The following PACRG variants were observed in gnomAD, a reference collection of about 807,000 sequenced individuals.
The protein encoded by PACRG is parkin coregulated, also known as parkin coregulated gene protein.
Under a neutral mutation model 29.7 loss-of-function variants are expected in PACRG, and 29 were observed. The observed-to-expected ratio is 0.98, with a 90% CI of 0.73 to 1.33. The LOEUF (loss-of-function observed/expected upper bound fraction) is 1.33, where lower values mean the gene tolerates loss of function less well. Among genes scored for constraint, PACRG ranks in the 40% most tolerant of loss-of-function variants. The pLI is 0.00. For missense variants in PACRG, 279 were observed against 316.2 expected (o/e 0.88, Z 0.89); for synonymous variants, 116 against 118.7 (o/e 0.98, Z 0.15).
chr6:163,009,718 A>G (rs775165794), intron 2 of PACRG, among the ~76,000 whole-genome samples: 7 of 152,198 alleles, frequency 4.6e-5, no homozygotes, highest in Non-Finnish European at 8.8e-5. Context: ...TCTATCGGTG[A>G]TTAACCAGCT....
rs12202823 is a variant in PACRG, at chr6:162,742,574, A to T, written c.156+14183A>T. On this transcript the variant is annotated intron_variant, in intron 1 of 4. Transcript: ENST00000366888. ...ACATGCATAAATATTCTCCAGGTTCATCATAGTGTCATAAATGACAGGATT... is the reference window on the plus strand; with the variant it reads ...ACATGCATAAATATTCTCCAGGTTCTTCATAGTGTCATAAATGACAGGATT... Among the ~76,000 whole-genome samples the T allele has an allele frequency of 5.7e-3, 872 of 152,250 alleles. 6 individuals are homozygous for T. The highest frequency in any genetic ancestry group is 0.02 in the Middle Eastern group (6 of 294).
At chr6:163,309,329 T>C (rs1027189332) in intron 4 of PACRG, among the ~76,000 whole-genome samples, 2 of 152,240 alleles carry the variant, frequency 1.3e-5, no homozygotes, top group Admixed American at 6.5e-5. Context: ...TCATTCAGCC[T>C]TGGGTGCGTG....
At position 163,055,078 on chromosome 6, in the gene PACRG, C is replaced by A. The variant is rs954480566; in HGVS notation, c.292-7072C>A. On this transcript the variant is annotated intron_variant, in intron 2 of 4. Transcript: ENST00000366888. This position sits in a 1 kb window ranked among gnomAD's most constrained non-coding sequence, Gnocchi z 4.0. ...CTGGTGACCTTGATAAAAGCAACTT[C>A]AGTGAAATGGTGAGGGAGTGGGTTA... Among the ~76,000 whole-genome samples the A allele has an allele frequency of 6.6e-6, 1 of 152,044 alleles. No homozygotes were observed. The highest frequency in any genetic ancestry group is 2.4e-5 in the African/African-American group (1 of 41,398).
chr6:162,838,805 A>C, intron 2 of PACRG, among the ~76,000 whole-genome samples: 1 of 132,296 alleles, frequency 7.6e-6, no homozygotes, highest in South Asian at 2.4e-4. Flanking sequence ...ATGTGATCTC[A>C]TTGTTCAATT....
chr6:163,195,539 C>G (rs2128363945), intron 4 of PACRG, among the ~76,000 whole-genome samples: 1 of 152,280 alleles, frequency 6.6e-6, no homozygotes, highest in South Asian at 2.1e-4. Flanking sequence ...ACTCCCTTTT[C>G]CAGCGGCGAA....
rs368477007 is a variant in PACRG, at chr6:162,777,572, T to A, written c.157-36575T>A. On this transcript the variant is annotated intron_variant, in intron 1 of 4. Coordinates refer to ENST00000366888, the MANE Select transcript of PACRG (RefSeq NM_001080379.2). The surrounding 1 kb of genome is among the most constrained non-coding windows in gnomAD (Gnocchi z 4.0). The stretch of plus-strand genomic sequence containing the variant: ...TTGTTATTATTAATTATTAGTTTTT[T>A]AATCACAGCCTCCTATCCTCAAGTT... Among the ~76,000 whole-genome samples the A allele has an allele frequency of 1.2e-4, 18 of 152,306 alleles. No individual in the cohort carries two copies. The highest frequency in any genetic ancestry group is 4.1e-4 in the African/African-American group (17 of 41,570).
chr6:163,131,374 T>C (rs1469267370), intron 4 of PACRG, among the ~76,000 whole-genome samples: 3 of 149,410 alleles, frequency 2.0e-5, no homozygotes, highest in African/African-American at 7.4e-5. Flanking sequence ...AGAGGGAAGA[T>C]GACATGAAGA....
intron 2 of PACRG, among the ~76,000 whole-genome samples, chr6:162,841,850 T>G (rs1305624135): frequency 6.6e-6 from 1 of 152,018 alleles, no homozygotes; most frequent in Non-Finnish European, 1.5e-5. Context: ...CATTTCGTTA[T>G]GTATCCAGTA....
At chr6:163,241,838 G>A (rs938087481) in intron 4 of PACRG, among the ~76,000 whole-genome samples, 3 of 152,184 alleles carry the variant, frequency 2.0e-5, no homozygotes, top group African/African-American at 7.2e-5. Context: ...GGCACGGGCT[G>A]GGGATGGAAC....
intron 4 of PACRG, among the ~76,000 whole-genome samples, chr6:163,168,533 A>G (rs1778924703): frequency 7.5e-6 from 1 of 134,038 alleles, no homozygotes; most frequent in Non-Finnish European, 1.6e-5. Context: ...ATTGCATGAA[A>G]TCTGCTTTAA....
intron 4 of PACRG, among the ~76,000 whole-genome samples, chr6:163,210,588 C>A (rs1026241300): frequency 6.6e-6 from 1 of 152,222 alleles, no homozygotes; most frequent in African/African-American, 2.4e-5. Context: ...TGGATGATAT[C>A]TACTGCAGAG....
intron 4 of PACRG, among the ~76,000 whole-genome samples, chr6:163,128,846 A>G (rs540423674): frequency 1.3e-5 from 2 of 152,368 alleles, no homozygotes; most frequent in East Asian, 3.9e-4. Flanking sequence ...TCAAGTTTCC[A>G]GAAGTAACTG....
intron 2 of PACRG, among the ~76,000 whole-genome samples, chr6:162,987,187 G>C (rs1372519742): frequency 6.6e-6 from 1 of 152,108 alleles, no homozygotes; most frequent in East Asian, 1.9e-4. Context: ...CTGCTCTTCA[G>C]ATTCTTTTGT....
At chr6:163,183,052 A>C (rs527826210) in intron 4 of PACRG, 3 of 152,400 alleles carry the variant, frequency 2.0e-5, no homozygotes, top group African/African-American at 7.2e-5. Flanking sequence ...TTGCATGAGC[A>C]ACAAATATTT....
intron 1 of PACRG, among the ~76,000 whole-genome samples, chr6:162,767,967 A>G (rs889464266): frequency 3.9e-5 from 6 of 152,012 alleles, no homozygotes; most frequent in Non-Finnish European, 5.9e-5. Context: ...GTTTTTCACT[A>G]TTTTAGTTTT....
chr6:163,016,316 G>T (rs1481653440), intron 2 of PACRG: 1 of 152,154 alleles, frequency 6.6e-6, no homozygotes, highest in Non-Finnish European at 1.5e-5. Flanking sequence ...TTTAAAGAGG[G>T]ATGGACAAGA....
intron 2 of PACRG, among the ~76,000 whole-genome samples, chr6:162,874,151 A>AATATATATAT (rs1554296145): frequency 7.3e-6 from 1 of 136,312 alleles, no homozygotes; most frequent in Non-Finnish European, 1.5e-5. Context: ...AAAAAAAAAA[A>AATATATATAT]ATATATATAT....
At chr6:162,987,550 A>G (rs1239879999) in intron 2 of PACRG, among the ~76,000 whole-genome samples, 2 of 152,030 alleles carry the variant, frequency 1.3e-5, no homozygotes, top group South Asian at 2.1e-4. Flanking sequence ...CTAAAGGGCA[A>G]TTTCCCTACA....
intron 2 of PACRG, among the ~76,000 whole-genome samples, chr6:162,892,257 C>G (rs759707432): frequency 6.6e-6 from 1 of 152,166 alleles, no homozygotes; most frequent in Non-Finnish European, 1.5e-5. Context: ...CATTGCCATC[C>G]ACAGGCACCA....
Sources: gnomAD v4.1 joint callset for allele counts (sites outside exome capture counted in the v4.1 genomes callset) on GRCh38, gnomAD v4.1.1 for gene constraint, Gnocchi (gnomAD v3.1) non-coding constraint, MANE v1.5 for transcripts, NCBI Gene and HGNC (gene_info 2026-07-23, HGNC 2026-07-21) for gene names.